DYNLL2: variants seen among roughly 807,000 people sequenced by gnomAD.
DYNLL2 encodes dynein light chain LC8-type 2, also known as dynein light chain 2, cytoplasmic.
DYNLL2 carries 1 observed loss-of-function variant against 9.7 expected under a neutral mutation model. The ratio of observed to expected loss-of-function variants is 0.10; its 90% confidence interval spans 0.04 to 0.49. The LOEUF (loss-of-function observed/expected upper bound fraction) is 0.49. Among genes scored for constraint, DYNLL2 ranks in the 20% least tolerant of loss-of-function variants. DYNLL2 has a pLI of 0.95. For missense variants in DYNLL2, 37 were observed against 115.2 expected (o/e 0.32, Z 3.11); for synonymous variants, 35 against 40.5 (o/e 0.86, Z 0.52).
Position 58,089,055 on chromosome 17 carries a change from T to A in DYNLL2, c.133-87T>A. The A allele has an allele frequency of 2.0e-6, 3 of 1,534,684 alleles. No homozygotes were observed. The Admixed American group carries it at 5.2e-5, about 27-fold the overall frequency. ...TGATAACAACCAAACGTGTCGGTGC[T>A]GGAGTTGCAGGGAGAGACTCCCATT... On this transcript the variant is annotated intron_variant, in intron 2 of 2. Transcript: ENST00000579991.
At chr17:58,086,952 T>C (rs2075762133) in intron 1 of DYNLL2, 130 bp from the exon 2 acceptor site, 1 of 1,128,012 alleles carries the variant, frequency 8.9e-7, no homozygotes, top group South Asian at 1.6e-5. Context: ...CTCCTAATGC[T>C]TCACATCCGT....
At chr17:58,083,828 G>C (rs2075746083) in intron 1 of DYNLL2, 145 bp downstream of exon 1, 1 of 151,846 alleles carries the variant, frequency 6.6e-6, no homozygotes, top group Non-Finnish European at 1.5e-5. Context: ...CGCAGCCCTT[G>C]GCGTTGACGG....
rs1024317279 is a variant in DYNLL2, at chr17:58,085,533, A to G, written c.-9-1549A>G. On this transcript the variant is annotated intron_variant, in intron 1 of 2. Coordinates refer to ENST00000579991, the MANE Select transcript of DYNLL2 (RefSeq NM_080677.3). ...TTTTAGGGGTGGGATGATGGGGGAGATAGTTACTGCTCCATGTGTTGGGAC... is the reference window on the plus strand; with the variant it reads ...TTTTAGGGGTGGGATGATGGGGGAGGTAGTTACTGCTCCATGTGTTGGGAC... Among the ~76,000 whole-genome samples the G allele has an allele frequency of 9.9e-5, 15 of 152,188 alleles. 1 individual carries two copies. Among genetic ancestry groups the G allele is most frequent in the African/African-American group, 3.4e-4 (14 of 41,514 alleles).
intron 2 of DYNLL2, among the ~76,000 whole-genome samples, chr17:58,088,429 T>A (rs934200485): frequency 6.6e-6 from 1 of 152,220 alleles, no homozygotes; most frequent in African/African-American, 2.4e-5. Flanking sequence ...TGCTGCCCTT[T>A]CATGGCCATG....
chr17:58,088,601 C>G (rs2075769013), intron 2 of DYNLL2, among the ~76,000 whole-genome samples: 1 of 152,228 alleles, frequency 6.6e-6, no homozygotes, highest in Non-Finnish European at 1.5e-5. Flanking sequence ...ACAGCCCACA[C>G]AGTGCATGGC....
In DYNLL2 at chr17:58,093,374, A is replaced by G. The variant is rs1474770540; in HGVS notation, c.*4095A>G. 1 of 152,166 alleles carries G rather than the reference A, an allele frequency of 6.6e-6. No homozygotes were observed. Among genetic ancestry groups the G allele is most frequent in the Non-Finnish European group, 1.5e-5 (1 of 68,010 alleles). 9.4% of individuals were successfully genotyped at this position (152,166 alleles called of 1,614,324 possible). A position where few individuals can be genotyped will look rare whatever the true frequency, so the allele number is the denominator to read the frequency against. ...ATAGTGTGTTCATAAAGTGCATTTTATTTTTAAAGCATTTCAGTTTATGTT... is the reference window on the plus strand; with the variant it reads ...ATAGTGTGTTCATAAAGTGCATTTTGTTTTTAAAGCATTTCAGTTTATGTT... On this transcript the variant is annotated 3_prime_UTR_variant, in exon 3 of 3. Coordinates refer to ENST00000579991, the MANE Select transcript of DYNLL2 (RefSeq NM_080677.3).
chr17:58,090,232 ATGTG>A lies in DYNLL2; in HGVS notation c.*957_*960del, dbSNP rs1465373770. ...GACTCTTCTGTGTATATGTGTGAAT[ATGTG>A]TGTATATGTGTGTGTATGTGTGTGT... On this transcript the variant is annotated 3_prime_UTR_variant, in exon 3 of 3. Coordinates refer to ENST00000579991, the MANE Select transcript of DYNLL2 (RefSeq NM_080677.3). 4.7e-6 allele frequency: 1 copy of A among 213,068 alleles called. No individual in the cohort carries two copies. Among genetic ancestry groups the A allele is most frequent in the East Asian group, 9.3e-5 (1 of 10,786 alleles). The allele number at this position is 213,068 out of a possible 1,614,324, so 13.2% of individuals were successfully genotyped here.
Position 58,092,363 on chromosome 17 carries a change from C to A in DYNLL2, c.*3084C>A, listed in dbSNP as rs2075783101. Reference sequence around the variant, plus strand: ...GTCCAGGTGGCATCTGTGAACAACACATTCCTGCACAGGTAGGTGCACAGT... The same window carrying A: ...GTCCAGGTGGCATCTGTGAACAACAAATTCCTGCACAGGTAGGTGCACAGT... On this transcript the variant is annotated 3_prime_UTR_variant, in exon 3 of 3. Coordinates refer to ENST00000579991, the MANE Select transcript of DYNLL2 (RefSeq NM_080677.3). 1 of 152,242 alleles carries A rather than the reference C, an allele frequency of 6.6e-6. No homozygotes were observed. The highest frequency in any genetic ancestry group is 6.5e-5 in the Admixed American group (1 of 15,290). The allele number at this position is 152,242 out of a possible 1,614,324, so 9.4% of individuals were successfully genotyped here.
At chr17:58,087,048 A>AGTT in intron 1 of DYNLL2, 34 bp from the exon 2 acceptor site, 1 of 1,608,610 alleles carries the variant, frequency 6.2e-7, no homozygotes, top group East Asian at 2.2e-5. Flanking sequence ...CAGAGCAAGG[A>AGTT]GTTGTCAGCC....
chr17:58,088,164 GC>G (rs71365862), intron 2 of DYNLL2, among the ~76,000 whole-genome samples: 92,790 of 152,042 alleles, frequency 0.61, 30,945 homozygotes, highest in East Asian at 0.91. Flanking sequence ...TACTCTGAGA[GC>G]CAGAAGAATC....
At position 58,089,264 on chromosome 17, in the gene DYNLL2, C is replaced by T. The variant is rs1598088887; in HGVS notation, c.255C>T (p.Leu85=). 2 of 1,614,032 alleles carry T rather than the reference C, an allele frequency of 1.2e-6. No homozygotes were observed. Among genetic ancestry groups the T allele is most frequent in the Non-Finnish European group, 8.5e-7 (1 of 1,179,972 alleles). Residue 85 remains leucine (L), a synonymous_variant, in exon 3 of 3, where the codon CTC becomes CTT. Transcript: ENST00000579991. ...YFYLGQVAIL[L]FKSG is the part of the protein sequence containing the mutation. ...ACTTGGGTCAAGTTGCAATCCTCCT[C>T]TTCAAGTCAGGCTAGGTGGCCATGG...
chr17:58,087,031 C>T lies in DYNLL2; in HGVS notation c.-9-51C>T, dbSNP rs1157611868. On this transcript the variant is annotated intron_variant, in intron 1 of 2. Transcript: ENST00000579991. Reference sequence around the variant, plus strand: ...GACCCCACACCCAGCAGCTAATGTTCACTGCCCAGAGCAAGGAGTTGTCAG... The same window carrying T: ...GACCCCACACCCAGCAGCTAATGTTTACTGCCCAGAGCAAGGAGTTGTCAG... 3 of 1,600,470 alleles carry T rather than the reference C, an allele frequency of 1.9e-6. No individual in the cohort carries two copies. The East Asian group carries it at 6.7e-5, about 36-fold the overall frequency.
chr17:58,093,980 T>A lies in DYNLL2; in HGVS notation c.*4701T>A, dbSNP rs1035800297. ...GACTGCTACTGTGCCAATATAGAGG[T>A]TCATAAGAAAGATAAAAGAGAACCA... On this transcript the variant is annotated 3_prime_UTR_variant, in exon 3 of 3. Transcript: ENST00000579991. 1 of 151,938 alleles carries A rather than the reference T, an allele frequency of 6.6e-6. No individual in the cohort carries two copies. The highest frequency in any genetic ancestry group is 2.4e-5 in the African/African-American group (1 of 41,344). 9.4% of individuals were successfully genotyped at this position (151,938 alleles called of 1,614,324 possible).
chr17:58,086,146 G>C (rs2075759205), intron 1 of DYNLL2, among the ~76,000 whole-genome samples: 1 of 152,174 alleles, frequency 6.6e-6, no homozygotes, highest in Non-Finnish European at 1.5e-5. Flanking sequence ...CCTCTTACGG[G>C]CATCTCAGCC....
intron 1 of DYNLL2, among the ~76,000 whole-genome samples, 199 bp from the exon 2 acceptor site, chr17:58,086,883 A>G (rs535689558): frequency 8.1e-4 from 124 of 152,322 alleles, no homozygotes; most frequent in African/African-American, 2.8e-3. Context: ...ATTATGTCCT[A>G]TTGGCCCTGT....
chr17:58,087,883 C>G (rs1281596873), intron 2 of DYNLL2, among the ~76,000 whole-genome samples: 1 of 152,060 alleles, frequency 6.6e-6, no homozygotes, highest in Non-Finnish European at 1.5e-5. Context: ...GGTACTGGGA[C>G]CCCCTGATTC....
At chr17:58,084,071 C>CA (rs2075748042) in intron 1 of DYNLL2, among the ~76,000 whole-genome samples, 1 of 152,030 alleles carries the variant, frequency 6.6e-6, no homozygotes, top group South Asian at 2.1e-4. Context: ...CCGCCACCGC[C>CA]ACCCTCTGGG....
At position 58,085,191 on chromosome 17, in the gene DYNLL2, G is replaced by T. The variant is rs2075755127; in HGVS notation, c.-10+1508G>T. On this transcript the variant is annotated intron_variant, in intron 1 of 2. Transcript: ENST00000579991. Reference sequence around the variant, plus strand: ...CTACCTCTTTGCTCTGCCAGTTTCTGCCGAAGTGGAACCAGCCCTGCTTAG... The same window carrying T: ...CTACCTCTTTGCTCTGCCAGTTTCTTCCGAAGTGGAACCAGCCCTGCTTAG... 2.0e-5 allele frequency among the ~76,000 whole-genome samples: 3 copies of T among 152,160 alleles called. 1 individual carries two copies. In the South Asian group the frequency reaches 6.2e-4, roughly 32 times the overall value.
chr17:58,085,404 C>A (rs942447202), intron 1 of DYNLL2, among the ~76,000 whole-genome samples: 1 of 152,138 alleles, frequency 6.6e-6, no homozygotes, highest in Non-Finnish European at 1.5e-5. Flanking sequence ...TGGAATGATA[C>A]CAAGGATATG....
Sources: allele counts gnomAD v4.1 joint callset (sites outside exome capture counted in the v4.1 genomes callset), GRCh38; gene constraint gnomAD v4.1.1; transcripts MANE v1.5; gene names NCBI Gene and HGNC (gene_info 2026-07-23, HGNC 2026-07-21).